SAAL1: variants seen among roughly 807,000 people sequenced by gnomAD.
SAAL1 encodes the protein serum amyloid A like 1.
In SAAL1, 42 loss-of-function variants were observed where a neutral mutation model predicts 59.8. The observed-to-expected ratio is 0.70, with a 90% CI of 0.55 to 0.91. The LOEUF is 0.91. SAAL1 is among the 40% of genes least tolerant of loss of function. SAAL1 has a pLI of 0.00. For synonymous variants in SAAL1, 191 were observed against 194.3 expected (o/e 0.98, Z 0.14); for missense variants, 542 against 561.1 (o/e 0.97, Z 0.34).
intron 9 of SAAL1, among the ~76,000 whole-genome samples, chr11:18,086,558 G>T (rs924260784): frequency 1.3e-5 from 2 of 151,890 alleles, no homozygotes; most frequent in East Asian, 3.9e-4. Context: ...AAAATTAGCT[G>T]GGCATAGTGG....
At position 18,081,415 on chromosome 11, in the gene SAAL1, G is replaced by T. The variant is rs748279776; in HGVS notation, c.1328C>A (p.Pro443His). The T allele has an allele frequency of 6.2e-7, 1 of 1,612,626 alleles. No individual in the cohort carries two copies. The highest frequency in any genetic ancestry group is 1.7e-5 in the Admixed American group (1 of 60,010). The change falls in exon 11 of 12, where the codon CCT becomes CAT. Residue 443 changes from proline (P) to histidine (H), a missense_variant. By Grantham distance (77) the Pro-to-His change is moderately conservative. Coordinates refer to ENST00000524803, the MANE Select transcript of SAAL1 (RefSeq NM_138421.3). ...AFQNLLPFYSPVVEDFIKILR... is the reference protein window; with the variant it reads ...AFQNLLPFYSHVVEDFIKILR... ...TATACATTTACCCATACTCACCACA[G>T]GGCTATAGAAAGGAAGAAGGTTTTG...
chr11:18,091,515 A>T (rs1321505840), intron 4 of SAAL1, among the ~76,000 whole-genome samples: 1 of 152,228 alleles, frequency 6.6e-6, no homozygotes, highest in Non-Finnish European at 1.5e-5. Flanking sequence ...AAACCCAGGT[A>T]CTTGAATCCT....
At chr11:18,094,202 C>A (rs1363360825) in intron 3 of SAAL1, among the ~76,000 whole-genome samples, 2 of 152,140 alleles carry the variant, frequency 1.3e-5, no homozygotes, top group African/African-American at 2.4e-5. Context: ...TGAGGACATA[C>A]AGAATTCAGG....
At chr11:18,080,843 A>C (rs1848401848) in intron 11 of SAAL1, among the ~76,000 whole-genome samples, 1 of 152,220 alleles carries the variant, frequency 6.6e-6, no homozygotes, top group East Asian at 1.9e-4. Flanking sequence ...CCTACTGACT[A>C]TTCCCAAGAA....
chr11:18,096,687 CAAAGTGA>C, intron 3 of SAAL1, 77 bp downstream of exon 3: 1 of 770,906 alleles, frequency 1.3e-6, no homozygotes, highest in South Asian at 1.5e-5. Context: ...GTAAGAAAAT[CAAAGTGA>C]GAAAAATAAA....
rs766814139 is a variant in SAAL1, at chr11:18,106,061, C to T, written c.-20G>A. Reference sequence around the variant, plus strand: ...GTCCATGACTTTGTCGCGTCCCGCGCTTGAAGGCCGTGCCGGAAGCTGCGG... The same window carrying T: ...GTCCATGACTTTGTCGCGTCCCGCGTTTGAAGGCCGTGCCGGAAGCTGCGG... On this transcript the variant is annotated 5_prime_UTR_variant, in exon 1 of 12. Coordinates refer to ENST00000524803, the MANE Select transcript of SAAL1 (RefSeq NM_138421.3). 2 of 1,588,274 alleles carry T rather than the reference C, an allele frequency of 1.3e-6. No homozygotes were observed. Among genetic ancestry groups the T allele is most frequent in the African/African-American group, 2.7e-5 (2 of 74,570 alleles).
Position 18,103,237 on chromosome 11 carries a change from T to A in SAAL1, c.245A>T (p.Asp82Val). The change falls in exon 2 of 12, where the codon GAT becomes GTT. Residue 82 changes from aspartate (D) to valine (V), a missense_variant. Physicochemically the swap from Asp to Val is radical, Grantham distance 152 (BLOSUM62 -3). Coordinates refer to ENST00000524803, the MANE Select transcript of SAAL1 (RefSeq NM_138421.3). ...GTTTTGTTTCCAGCCTCATACCTCATCCATTGACATATCCCATACTCTGCA... is the reference window on the plus strand; with the variant it reads ...GTTTTGTTTCCAGCCTCATACCTCAACCATTGACATATCCCATACTCTGCA... ...EICRVWDMSM[D>V]EDVALFLQEF... 1 of 1,599,292 alleles carries A rather than the reference T, an allele frequency of 6.3e-7. No individual in the cohort carries two copies. The highest frequency in any genetic ancestry group is 8.6e-7 in the Non-Finnish European group (1 of 1,166,620).
intron 2 of SAAL1, among the ~76,000 whole-genome samples, chr11:18,100,565 A>T (rs1242483276): frequency 6.6e-6 from 1 of 152,244 alleles, no homozygotes; most frequent in African/African-American, 2.4e-5. Flanking sequence ...CCCCATCTCT[A>T]CAAAAAATAC....
chr11:18,105,438 G>A (rs1244135667), intron 1 of SAAL1, among the ~76,000 whole-genome samples: 1 of 149,650 alleles, frequency 6.7e-6, no homozygotes, highest in African/African-American at 2.5e-5. Context: ...CTCCCAAAGT[G>A]TTGGGATTAC....
intron 1 of SAAL1, among the ~76,000 whole-genome samples, chr11:18,104,229 G>GTTAA (rs1370111371): frequency 6.6e-6 from 1 of 152,148 alleles, no homozygotes; most frequent in Non-Finnish European, 1.5e-5. Flanking sequence ...ACCTACTGAT[G>GTTAA]TTAAGTGAGC....
At chr11:18,099,581 G>C (rs1452990028) in intron 2 of SAAL1, among the ~76,000 whole-genome samples, 1 of 152,212 alleles carries the variant, frequency 6.6e-6, no homozygotes, top group African/African-American at 2.4e-5. Flanking sequence ...ATTTCAGAAG[G>C]GGTGACATTA....
chr11:18,083,515 C>A lies in SAAL1; in HGVS notation c.1239+20G>T. On this transcript the variant is annotated intron_variant, in intron 10 of 11. Coordinates refer to ENST00000524803, the MANE Select transcript of SAAL1 (RefSeq NM_138421.3). Reference sequence around the variant, plus strand: ...CCACACTTTCTTTTGCTTATGACATCATCAATACTTCTTTCCTACCTTTGT... The same window carrying A: ...CCACACTTTCTTTTGCTTATGACATAATCAATACTTCTTTCCTACCTTTGT... 1 of 1,451,954 alleles carries A rather than the reference C, an allele frequency of 6.9e-7. No individual in the cohort carries two copies. Among genetic ancestry groups the A allele is most frequent in the Non-Finnish European group, 9.6e-7 (1 of 1,045,362 alleles). 89.9% of individuals were successfully genotyped at this position (1,451,954 alleles called of 1,614,324 possible). A position where few individuals can be genotyped will look rare whatever the true frequency, so the allele number is the denominator to read the frequency against.
intron 7 of SAAL1, among the ~76,000 whole-genome samples, chr11:18,087,736 A>T (rs1472910360): frequency 6.6e-6 from 1 of 152,262 alleles, no homozygotes; most frequent in Non-Finnish European, 1.5e-5. Flanking sequence ...ATAGTTTGGA[A>T]ACTCAAAATC....
At chr11:18,088,502 T>C (rs778256484) in intron 7 of SAAL1, among the ~76,000 whole-genome samples, 3 of 152,112 alleles carry the variant, frequency 2.0e-5, no homozygotes, top group African/African-American at 7.2e-5. Flanking sequence ...AGAGCAAGCA[T>C]AGAGGCAGGG....
At position 18,096,763 on chromosome 11, in the gene SAAL1, A is replaced by C; in HGVS notation, c.333+8T>G. ...AAAGAAGAAGGCTTTAGAAATGTAC[A>C]TACTTACTCTTAATCGAGGACACTT... On this transcript the variant is annotated splice_region_variant and intron_variant, in intron 3 of 11. Transcript: ENST00000524803. The C allele has an allele frequency of 7.3e-7, 1 of 1,369,042 alleles. No individual in the cohort carries two copies. Among genetic ancestry groups the C allele is most frequent in the Non-Finnish European group, 1.0e-6 (1 of 957,502 alleles). The allele number at this position is 1,369,042 out of a possible 1,614,324, so 84.8% of individuals were successfully genotyped here.
intron 1 of SAAL1, among the ~76,000 whole-genome samples, chr11:18,105,160 G>A (rs910862489): frequency 1.3e-5 from 2 of 152,000 alleles, no homozygotes; most frequent in East Asian, 3.9e-4. Context: ...CAGCTAGTGG[G>A]TAAGGAAGCT....
intron 7 of SAAL1, among the ~76,000 whole-genome samples, chr11:18,088,008 A>G (rs1406999299): frequency 6.6e-6 from 1 of 152,192 alleles, no homozygotes; most frequent in Non-Finnish European, 1.5e-5. Context: ...TTGCAGGGTC[A>G]GGGAAGGTAT....
intron 2 of SAAL1, among the ~76,000 whole-genome samples, chr11:18,100,125 A>T (rs1298635883): frequency 6.6e-6 from 1 of 152,226 alleles, no homozygotes; most frequent in Non-Finnish European, 1.5e-5. Context: ...TTTTTAAAAA[A>T]ATTTGTTTAA....
Position 18,092,222 on chromosome 11 carries a change from CATAATT to C in SAAL1, c.413+17_413+22del. ...GGATATAAATGAATATATTAAAAAACATAATTATATAGTAAGACTTACCCAAGATTT... is the reference window on the plus strand; with the variant it reads ...GGATATAAATGAATATATTAAAAAACATATAGTAAGACTTACCCAAGATTT... On this transcript the variant is annotated intron_variant, in intron 4 of 11. Transcript: ENST00000524803. 3 of 1,249,434 alleles carry C rather than the reference CATAATT, an allele frequency of 2.4e-6. No individual in the cohort carries two copies. Among genetic ancestry groups the C allele is most frequent in the South Asian group, 1.3e-5 (1 of 74,562 alleles). The allele number at this position is 1,249,434 out of a possible 1,614,324, so 77.4% of individuals were successfully genotyped here. A position where few individuals can be genotyped will look rare whatever the true frequency, so the allele number is the denominator to read the frequency against.
Sources: gnomAD v4.1 joint callset for allele counts (sites outside exome capture counted in the v4.1 genomes callset) on GRCh38, gnomAD v4.1.1 for gene constraint, MANE v1.5 for transcripts, NCBI Gene and HGNC (gene_info 2026-07-23, HGNC 2026-07-21) for gene names.